Variants in PODXL observed in about 807,000 individuals in gnomAD.
PODXL encodes podocalyxin like.
A neutral mutation model predicts 48.9 loss-of-function variants in PODXL; 20 were observed. The observed-to-expected ratio is 0.41, with a 90% CI of 0.29 to 0.59. The LOEUF (loss-of-function observed/expected upper bound fraction) is 0.59, where lower values mean the gene tolerates loss of function less well. PODXL is among the 20% of genes least tolerant of loss of function. PODXL has a pLI of 0.31. For missense variants in PODXL, 606 were observed against 675.1 expected (o/e 0.90, Z 1.13); for synonymous variants, 295 against 287.4 (o/e 1.03, Z -0.27).
At chr7:131,531,974 G>A (rs755319965) in intron 1 of PODXL, among the ~76,000 whole-genome samples, 2 of 152,002 alleles carry the variant, frequency 1.3e-5, no homozygotes, top group African/African-American at 2.4e-5. Flanking sequence ...GCTGGGCATG[G>A]TGGTGCATGG....
At chr7:131,555,456 G>A (rs1420056162) in intron 1 of PODXL, among the ~76,000 whole-genome samples, 1 of 152,204 alleles carries the variant, frequency 6.6e-6, no homozygotes, top group East Asian at 1.9e-4. Context: ...CTGAGGTGCA[G>A]GTGTTTCATG....
At position 131,504,070 on chromosome 7, in the gene PODXL, C is replaced by G. The variant is rs919251081; in HGVS notation, c.*241G>C. ...GTCCCTTACGTGGCTTTTTCTTGAT[C>G]TCCCTCATCATCCAGCAGCACTGAG... On this transcript the variant is annotated 3_prime_UTR_variant, in exon 9 of 9. Transcript: ENST00000378555. The G allele has an allele frequency of 5.4e-6, 3 of 556,646 alleles. No homozygotes were observed. In the African/African-American group the frequency reaches 5.7e-5, roughly 11 times the overall value. 34.5% of individuals were successfully genotyped at this position (556,646 alleles called of 1,614,324 possible). A position where few individuals can be genotyped will look rare whatever the true frequency, so the allele number is the denominator to read the frequency against.
chr7:131,545,343 C>A (rs1342567038), intron 1 of PODXL, among the ~76,000 whole-genome samples: 2 of 152,198 alleles, frequency 1.3e-5, no homozygotes, highest in African/African-American at 4.8e-5. Context: ...GGTCAGAGGG[C>A]CCTCTTCATT....
At chr7:131,544,346 C>T (rs933215216) in intron 1 of PODXL, among the ~76,000 whole-genome samples, 1 of 152,204 alleles carries the variant, frequency 6.6e-6, no homozygotes, top group African/African-American at 2.4e-5. Context: ...TCAACAGGAC[C>T]AGACTTCCAG....
intron 1 of PODXL, among the ~76,000 whole-genome samples, chr7:131,533,324 A>T (rs1228912615): frequency 1.3e-5 from 2 of 152,170 alleles, no homozygotes; most frequent in Non-Finnish European, 2.9e-5. Flanking sequence ...TGGGGTCGTC[A>T]GGCCTGCCTC....
chr7:131,554,203 T>C lies in PODXL; in HGVS notation c.100+2057A>G, dbSNP rs185890216. 1.9e-3 allele frequency among the ~76,000 whole-genome samples: 291 copies of C among 152,120 alleles called. 2 individuals carry two copies. Among genetic ancestry groups the C allele is most frequent in the African/African-American group, 6.7e-3 (279 of 41,484 alleles). The stretch of plus-strand genomic sequence containing the variant: ...CAGGGATGGAGCTGGCCTTACTGAG[T>C]CCCTAGAGGGTGGTGTAGAATGCAC... On this transcript the variant is annotated intron_variant, in intron 1 of 8. Transcript: ENST00000378555.
chr7:131,518,359 G>T (rs1798035759), intron 1 of PODXL, among the ~76,000 whole-genome samples: 1 of 152,160 alleles, frequency 6.6e-6, no homozygotes, highest in Non-Finnish European at 1.5e-5. Context: ...ACTTGAGGTG[G>T]CTAAAGAATC....
At chr7:131,514,413 C>CA (rs1042597537) in intron 1 of PODXL, among the ~76,000 whole-genome samples, 11 of 151,018 alleles carry the variant, frequency 7.3e-5, no homozygotes, top group African/African-American at 2.7e-4. Flanking sequence ...ACACAGTCTC[C>CA]AAAAAAAAGT....
At chr7:131,551,149 T>C (rs1400381821) in intron 1 of PODXL, among the ~76,000 whole-genome samples, 1 of 152,222 alleles carries the variant, frequency 6.6e-6, no homozygotes, top group African/African-American at 2.4e-5. Flanking sequence ...TTATAGAGAA[T>C]GCCCCCGTCA....
At chr7:131,522,016 A>G (rs1392204348) in intron 1 of PODXL, among the ~76,000 whole-genome samples, 1 of 152,236 alleles carries the variant, frequency 6.6e-6, no homozygotes, top group Admixed American at 6.5e-5. Flanking sequence ...ACCCAGCCCG[A>G]ACATCTAGGA....
intron 1 of PODXL, among the ~76,000 whole-genome samples, chr7:131,512,174 C>T (rs1797924949): frequency 6.6e-6 from 1 of 152,210 alleles, no homozygotes; most frequent in Admixed American, 6.5e-5. Flanking sequence ...AGTGCCCGGA[C>T]TGCATGCAGC....
At position 131,504,472 on chromosome 7, in the gene PODXL, C is replaced by A. The variant is rs1367940971; in HGVS notation, c.1516G>T (p.Gly506Cys). The A allele has an allele frequency of 2.5e-6, 4 of 1,614,102 alleles. No homozygotes were observed. Among genetic ancestry groups the A allele is most frequent in the East Asian group, 2.2e-5 (1 of 44,894 alleles). ...TCCAGTGTTGGGTTGTCATGGTAACCATTCTCCACTGTCTGCAGCTCCTCT... is the reference window on the plus strand; with the variant it reads ...TCCAGTGTTGGGTTGTCATGGTAACAATTCTCCACTGTCTGCAGCTCCTCT... ...LTEELQTVEN[G>C]YHDNPTLEVM... is the part of the protein sequence containing the mutation. The change falls in exon 9 of 9, where the codon GGT becomes TGT. Residue 506 changes from glycine (G) to cysteine (C), a missense_variant. Physicochemically the swap from Gly to Cys is radical, Grantham distance 159. Transcript: ENST00000378555.
chr7:131,520,052 TACCAG>T (rs1798067841), intron 1 of PODXL: 2 of 188,838 alleles, frequency 1.1e-5, no homozygotes, highest in Admixed American at 1.3e-4. Context: ...GAAAAAAACT[TACCAG>T]AGTGACTCAA....
chr7:131,546,078 C>T (rs1358290104), intron 1 of PODXL, among the ~76,000 whole-genome samples: 2 of 152,192 alleles, frequency 1.3e-5, no homozygotes, highest in Non-Finnish European at 2.9e-5. Context: ...TAGCTCCATG[C>T]ACCTCCCCCA....
chr7:131,531,672 C>T (rs1798281990), intron 1 of PODXL, among the ~76,000 whole-genome samples: 1 of 152,218 alleles, frequency 6.6e-6, no homozygotes, highest in African/African-American at 2.4e-5. Context: ...CCTCTGCCCT[C>T]ATGGTCACAT....
chr7:131,549,985 A>G (rs1339954152), intron 1 of PODXL, among the ~76,000 whole-genome samples: 1 of 152,238 alleles, frequency 6.6e-6, no homozygotes. Flanking sequence ...TGCTCCAGCG[A>G]TTCAGGGCAG....
chr7:131,501,811 A>G lies in PODXL; in HGVS notation c.*2500T>C, dbSNP rs1415404704. ...GGTGGCAGAAGATGATGACCTTTAT[A>G]GATGCATGGCTGTTTGGCCTGTTGA... On this transcript the variant is annotated 3_prime_UTR_variant, in exon 9 of 9. Transcript: ENST00000378555. 2 of 152,450 alleles carry G rather than the reference A, an allele frequency of 1.3e-5. No homozygotes were observed. Among genetic ancestry groups the G allele is most frequent in the East Asian group, 1.9e-4 (1 of 5,188 alleles). 9.4% of individuals were successfully genotyped at this position (152,450 alleles called of 1,614,324 possible).
intron 1 of PODXL, among the ~76,000 whole-genome samples, chr7:131,545,600 C>CTCGATGTTCTACTAAATCTAGA (rs923459277): frequency 3.3e-5 from 5 of 152,162 alleles, no homozygotes; most frequent in African/African-American, 9.7e-5. Flanking sequence ...AGCTGTTCCT[C>CTCGATGTTCTACTAAATCTAGA]TCGATGTTCT....
At chr7:131,543,460 G>T (rs1181147728) in intron 1 of PODXL, among the ~76,000 whole-genome samples, 2 of 152,092 alleles carry the variant, frequency 1.3e-5, no homozygotes, top group Non-Finnish European at 2.9e-5. Flanking sequence ...AGCCATGCAG[G>T]CATCACATTC....
Sources: gnomAD v4.1 joint callset for allele counts (sites outside exome capture counted in the v4.1 genomes callset) on GRCh38, gnomAD v4.1.1 for gene constraint, MANE v1.5 for transcripts, NCBI Gene and HGNC (gene_info 2026-07-23, HGNC 2026-07-21) for gene names.